GET3: variants seen among roughly 807,000 people sequenced by gnomAD.
The protein encoded by GET3 is ATPase GET3.
GET3 carries 15 observed loss-of-function variants against 32.4 expected under a neutral mutation model. The observed-to-expected ratio is 0.46, with a 90% CI of 0.31 to 0.71. The LOEUF is 0.71. Among genes scored for constraint, GET3 ranks in the 30% least tolerant of loss-of-function variants. The pLI, the probability that GET3 is intolerant of heterozygous loss-of-function variation, is 0.05. For synonymous variants in GET3, 198 were observed against 185.6 expected (o/e 1.07, Z -0.54); for missense variants, 333 against 459.0 (o/e 0.73, Z 2.51).
chr19:12,744,686 C>T (rs771262507), intron 2 of GET3, among the ~76,000 whole-genome samples: 5 of 152,182 alleles, frequency 3.3e-5, no homozygotes, highest in African/African-American at 4.8e-5. Context: ...AAGGACACAG[C>T]AGTGAACTAG....
chr19:12,744,447 G>A (rs1171246906), intron 2 of GET3, among the ~76,000 whole-genome samples: 1 of 151,510 alleles, frequency 6.6e-6, no homozygotes, highest in African/African-American at 2.4e-5. Flanking sequence ...AACCTCCAGA[G>A]TAGCTGGGAT....
chr19:12,740,485 G>C (rs573137566), intron 2 of GET3, among the ~76,000 whole-genome samples: 63 of 151,818 alleles, frequency 4.1e-4, no homozygotes, highest in Non-Finnish European at 7.4e-4. Flanking sequence ...GACCATCTTG[G>C]CTAACACGGT....
At position 12,748,162 on chromosome 19, in the gene GET3, C is replaced by G; in HGVS notation, c.*58C>G. On this transcript the variant is annotated 3_prime_UTR_variant, in exon 7 of 7. Transcript: ENST00000357332. ...CACTCACCCTCCACCCTCCCCACCC[C>G]CTCGGGGCAGAGTTTGCACAAAGTC... 1.3e-6 allele frequency: 2 copies of G among 1,494,484 alleles called. No homozygotes were observed. Among genetic ancestry groups the G allele is most frequent in the Non-Finnish European group, 9.0e-7 (1 of 1,113,826 alleles). 92.6% of individuals were successfully genotyped at this position (1,494,484 alleles called of 1,614,324 possible).
chr19:12,744,381 G>T (rs1229040021), intron 2 of GET3, among the ~76,000 whole-genome samples: 1 of 151,766 alleles, frequency 6.6e-6, no homozygotes, highest in African/African-American at 2.4e-5. Flanking sequence ...GTGTAATGGC[G>T]TGATCTCGGC....
intron 2 of GET3, among the ~76,000 whole-genome samples, chr19:12,739,170 GTTT>G (rs778735265): frequency 7.0e-6 from 1 of 143,004 alleles, no homozygotes; most frequent in Non-Finnish European, 1.5e-5. Flanking sequence ...CAGACTTGAG[GTTT>G]TTTTTTTTTT....
intron 1 of GET3, among the ~76,000 whole-genome samples, chr19:12,737,889 A>G (rs1001216930): frequency 1.3e-5 from 2 of 152,192 alleles, no homozygotes; most frequent in Non-Finnish European, 2.9e-5. Flanking sequence ...GCCGAACCAC[A>G]GTGAACTCAG....
chr19:12,737,832 C>T (rs918790616), intron 1 of GET3, among the ~76,000 whole-genome samples, 166 bp downstream of exon 1: 1 of 152,152 alleles, frequency 6.6e-6, no homozygotes, highest in Non-Finnish European at 1.5e-5. Context: ...GACCTCAATG[C>T]AGCCCTAGCA....
At chr19:12,744,221 A>G (rs1223079449) in intron 2 of GET3, among the ~76,000 whole-genome samples, 3 of 111,632 alleles carry the variant, frequency 2.7e-5, no homozygotes, top group African/African-American at 1.8e-4. Context: ...CATCTCGGGA[A>G]AAAAAAAAAA....
At chr19:12,738,699 C>G in intron 2 of GET3, 41 bp downstream of exon 2, 1 of 1,612,986 alleles carries the variant, frequency 6.2e-7, no homozygotes, top group Non-Finnish European at 8.5e-7. Flanking sequence ...TGGGAAAAGC[C>G]TCTTCCAGCC....
At position 12,741,380 on chromosome 19, in the gene GET3, C is replaced by T. The variant is rs576752364; in HGVS notation, c.309+2722C>T. Among the ~76,000 whole-genome samples, 132 of 150,516 alleles carry T rather than the reference C, an allele frequency of 8.8e-4. 1 individual carries two copies. The highest frequency in any genetic ancestry group is 3.1e-3 in the African/African-American group (126 of 40,926). ...CTGAGGCAGGAGAATGGCGTGAACG[C>T]GGGAGGTGGAGCTTACAGTGAGCCT... On this transcript the variant is annotated intron_variant, in intron 2 of 6. Transcript: ENST00000357332.
chr19:12,747,276 G>A lies in GET3; in HGVS notation c.689G>A (p.Arg230His), dbSNP rs368392204. 8.7e-6 allele frequency: 14 copies of A among 1,611,390 alleles called. No individual in the cohort carries two copies. The highest frequency in any genetic ancestry group is 4.5e-5 in the East Asian group (2 of 44,838). ...SKLEETLPVI[R>H]SVSEQFKDPE... Reference sequence around the variant, plus strand: ...CTGGAGGAGACGCTGCCCGTCATCCGCTCAGTCAGCGAACAGTTCAAGGAC... The same window carrying A: ...CTGGAGGAGACGCTGCCCGTCATCCACTCAGTCAGCGAACAGTTCAAGGAC... The change falls in exon 5 of 7, where the codon CGC becomes CAC. Residue 230 changes from arginine (R) to histidine (H), a missense_variant. Transcript: ENST00000357332. The surrounding 1 kb of genome is among the most constrained non-coding windows in gnomAD (Gnocchi z 4.0).
chr19:12,741,875 T>C (rs116503631), intron 2 of GET3, among the ~76,000 whole-genome samples: 4,321 of 152,180 alleles, frequency 0.028, 202 homozygotes, highest in African/African-American at 0.098. Context: ...GTCGAGATTG[T>C]GCCACTGTAC....
At chr19:12,743,722 CTTT>C (rs776785337) in intron 2 of GET3, among the ~76,000 whole-genome samples, 4 of 70,402 alleles carry the variant, frequency 5.7e-5, no homozygotes, top group Middle Eastern at 9.8e-3. Context: ...GACTCCATCT[CTTT>C]TTTTTTTTTT....
At position 12,737,540 on chromosome 19, in the gene GET3, C is replaced by T. The variant is rs1967593969; in HGVS notation, c.35C>T (p.Ala12Val). ...GGGGTGGCCGGGTGGGGGGTTGAGG[C>T]AGAGGAGTTCGAAGATGCTCCTGAT... ...AAGVAGWGVEAEEFEDAPDVE... is the reference protein window; with the variant it reads ...AAGVAGWGVEVEEFEDAPDVE... The change falls in exon 1 of 7, where the codon GCA becomes GTA. Residue 12 changes from alanine to valine, a missense_variant. By Grantham distance (64) the Ala-to-Val change is moderately conservative. Transcript: ENST00000357332. 6.3e-7 allele frequency: 1 copy of T among 1,594,860 alleles called. No homozygotes were observed.
intron 1 of GET3, among the ~76,000 whole-genome samples, chr19:12,737,904 C>T (rs369339053): frequency 1.9e-4 from 29 of 152,108 alleles, no homozygotes; most frequent in Middle Eastern, 3.2e-3. Flanking sequence ...ACTCAGCGCC[C>T]GGGGGACGGG....
chr19:12,747,342 G>T lies in GET3; in HGVS notation c.717+38G>T. The T allele has an allele frequency of 6.2e-7, 1 of 1,610,868 alleles. No individual in the cohort carries two copies. Among genetic ancestry groups the T allele is most frequent in the Middle Eastern group, 1.7e-4 (1 of 6,038 alleles). ...CTGGCTGGCGGTGAGAGGCCCGGGG[G>T]CTGAGGACAGGGGCAGACCCCGCCC... On this transcript the variant is annotated intron_variant, in intron 5 of 6. Coordinates refer to ENST00000357332, the MANE Select transcript of GET3 (RefSeq NM_004317.4). This position sits in a 1 kb window ranked among gnomAD's most constrained non-coding sequence, Gnocchi z 4.0.
In GET3 at chr19:12,747,074, C is replaced by T; in HGVS notation, c.610-123C>T. 1 of 674,020 alleles carries T rather than the reference C, an allele frequency of 1.5e-6. No individual in the cohort carries two copies. The highest frequency in any genetic ancestry group is 2.5e-6 in the Non-Finnish European group (1 of 402,430). 41.8% of individuals were successfully genotyped at this position (674,020 alleles called of 1,614,324 possible). A position where few individuals can be genotyped will look rare whatever the true frequency, so the allele number is the denominator to read the frequency against. On this transcript the variant is annotated intron_variant, in intron 4 of 6. Transcript: ENST00000357332. This position sits in a 1 kb window ranked among gnomAD's most constrained non-coding sequence, Gnocchi z 4.0. ...GTATTTGACCAACCCCAGGAATCTG[C>T]TTATGGGCCTGAGCCTTTAACCACT...
intron 4 of GET3, among the ~76,000 whole-genome samples, chr19:12,746,221 C>T (rs997422333): frequency 1.3e-5 from 2 of 152,194 alleles, no homozygotes; most frequent in African/African-American, 4.8e-5. Flanking sequence ...CAACCTCCAC[C>T]TCGTGGGTTC....
Position 12,738,635 on chromosome 19 carries a change from G to A in GET3, c.286G>A (p.Gly96Ser). ...KFSKVPTKVK[G>S]YDNLFAMEID... ...CTCAAAGGTGCCTACCAAGGTCAAA[G>A]GCTATGACAACCTCTTTGCTATGGT... is the stretch of plus-strand genomic sequence containing the variant. The change falls in exon 2 of 7, where the codon GGC (glycine) becomes AGC (serine). Residue 96 changes from glycine (G) to serine (S), a missense_variant. Physicochemically the swap from Gly to Ser is moderately conservative, Grantham distance 56 (BLOSUM62 0). Around this residue, in one of 3 missense-constraint regions of GET3, gnomAD observed 230 missense variants for 389.2 expected, o/e 0.59. Coordinates refer to ENST00000357332, the MANE Select transcript of GET3 (RefSeq NM_004317.4). 1 of 1,614,208 alleles carries A rather than the reference G, an allele frequency of 6.2e-7. No individual in the cohort carries two copies. The highest frequency in any genetic ancestry group is 1.1e-5 in the South Asian group (1 of 91,086).
Sources: gnomAD v4.1 joint callset for allele counts (sites outside exome capture counted in the v4.1 genomes callset) on GRCh38, gnomAD v4.1.1 for gene constraint, gnomAD v4.1.1 regional missense constraint, Gnocchi (gnomAD v3.1) non-coding constraint, MANE v1.5 for transcripts, NCBI Gene and HGNC (gene_info 2026-07-23, HGNC 2026-07-21) for gene names.